The following PTPRD variants were observed in gnomAD, a reference collection of about 807,000 sequenced individuals.
PTPRD encodes the protein receptor-type tyrosine-protein phosphatase delta.
A neutral mutation model predicts 214.5 loss-of-function variants in PTPRD; 34 were observed. The ratio of observed to expected loss-of-function variants is 0.16; its 90% CI spans 0.12 to 0.21. The LOEUF is 0.21. PTPRD is among the 10% of genes least tolerant of loss of function. The pLI, the probability that PTPRD is intolerant of heterozygous loss-of-function variation, is 1.00. For missense variants in PTPRD, 2,545 were observed against 2,398.7 expected (o/e 1.06, Z -1.27); for synonymous variants, 1,128 against 845.7 (o/e 1.33, Z -5.79).
chr9:9,120,868 T>G (rs952654488), intron 10 of PTPRD, among the ~76,000 whole-genome samples: 1 of 152,206 alleles, frequency 6.6e-6, no homozygotes, highest in Non-Finnish European at 1.5e-5. Flanking sequence ...GTATCACTGT[T>G]AGAAACTCTT....
At chr9:9,367,438 A>G (rs897555378) in intron 9 of PTPRD, among the ~76,000 whole-genome samples, 2 of 151,722 alleles carry the variant, frequency 1.3e-5, no homozygotes, top group Non-Finnish European at 2.9e-5. Context: ...GCCTACAATT[A>G]TATTGTATTT....
chr9:9,806,168 G>C (rs796953777), intron 5 of PTPRD, among the ~76,000 whole-genome samples: 20 of 152,156 alleles, frequency 1.3e-4, no homozygotes, highest in African/African-American at 3.4e-4. Flanking sequence ...CATGAGCAAG[G>C]CAAGAGAGCT....
chr9:8,372,148 C>T (rs1327812685), intron 39 of PTPRD, among the ~76,000 whole-genome samples: 1 of 151,856 alleles, frequency 6.6e-6, no homozygotes, highest in African/African-American at 2.4e-5. Context: ...CATGGGATTG[C>T]CATAGTAGAA....
intron 2 of PTPRD, among the ~76,000 whole-genome samples, chr9:10,464,661 T>A (rs1460441007): frequency 6.6e-6 from 1 of 152,176 alleles, no homozygotes; most frequent in Non-Finnish European, 1.5e-5. Flanking sequence ...AGTGACCTAA[T>A]TATGATTTGA....
intron 7 of PTPRD, among the ~76,000 whole-genome samples, chr9:9,730,780 C>T (rs2098175641): frequency 6.6e-6 from 1 of 152,070 alleles, no homozygotes; most frequent in East Asian, 1.9e-4. Flanking sequence ...CCATTAGTCT[C>T]ATCTCTAAAG....
intron 10 of PTPRD, among the ~76,000 whole-genome samples, chr9:9,080,409 C>T (rs780552656): frequency 6.6e-6 from 1 of 152,090 alleles, no homozygotes; most frequent in Non-Finnish European, 1.5e-5. Context: ...TAATAAAAGT[C>T]GCTTGCTACT....
chr9:8,406,199 T>C (rs898067624), intron 35 of PTPRD, among the ~76,000 whole-genome samples: 1 of 152,180 alleles, frequency 6.6e-6, no homozygotes, highest in Non-Finnish European at 1.5e-5. Flanking sequence ...TTCATCTCCC[T>C]TGCAGAAATT....
At chr9:9,974,351 G>GT (rs2095272006) in intron 4 of PTPRD, among the ~76,000 whole-genome samples, 2 of 152,096 alleles carry the variant, frequency 1.3e-5, no homozygotes, top group Non-Finnish European at 2.9e-5. Flanking sequence ...TCTGCACCAA[G>GT]CCTTTCTCCT....
At chr9:9,116,028 G>A (rs542513978) in intron 10 of PTPRD, among the ~76,000 whole-genome samples, 1 of 152,136 alleles carries the variant, frequency 6.6e-6, no homozygotes, top group African/African-American at 2.4e-5. Context: ...GGATACACAT[G>A]GACATGAAGA....
At chr9:8,539,674 G>C (rs1490360066) in intron 14 of PTPRD, among the ~76,000 whole-genome samples, 1 of 151,926 alleles carries the variant, frequency 6.6e-6, no homozygotes, top group Non-Finnish European at 1.5e-5. Context: ...CTGGAAAAGA[G>C]TCACAACCTA....
rs371266633 is a variant in PTPRD at position 8,782,414 on chromosome 9, C to T, written c.-103-48468G>A. Reference sequence around the variant, plus strand: ...TACAATACATTGTTATTAACTGTGTCACCATGTTGTGCAATACATCTCCTG... The same window carrying T: ...TACAATACATTGTTATTAACTGTGTTACCATGTTGTGCAATACATCTCCTG... On this transcript the variant is annotated intron_variant, in intron 11 of 45. Coordinates refer to ENST00000381196, the MANE Select transcript of PTPRD (RefSeq NM_002839.4). Among the ~76,000 whole-genome samples, 10 of 152,186 alleles carry T rather than the reference C, an allele frequency of 6.6e-5. No homozygotes were observed. The East Asian group carries it at 1.7e-3, about 26-fold the overall frequency.
intron 21 of PTPRD, among the ~76,000 whole-genome samples, chr9:8,516,486 A>C (rs1349365579): frequency 6.6e-6 from 1 of 152,218 alleles, no homozygotes; most frequent in Non-Finnish European, 1.5e-5. Context: ...TCCTAGAAGC[A>C]AGGACAAATA....
At chr9:10,554,117 A>C (rs2061948628) in intron 2 of PTPRD, among the ~76,000 whole-genome samples, 1 of 152,178 alleles carries the variant, frequency 6.6e-6, no homozygotes, top group African/African-American at 2.4e-5. Flanking sequence ...CTACTGGATT[A>C]AGAGCTTTTA....
intron 12 of PTPRD, among the ~76,000 whole-genome samples, chr9:8,679,603 T>C (rs951276202): frequency 6.6e-6 from 1 of 152,214 alleles, no homozygotes; most frequent in African/African-American, 2.4e-5. Context: ...TCACCAATTA[T>C]GTTGCAGGAA....
At chr9:8,689,225 A>C (rs2097755697) in intron 12 of PTPRD, among the ~76,000 whole-genome samples, 1 of 152,216 alleles carries the variant, frequency 6.6e-6, no homozygotes, top group Non-Finnish European at 1.5e-5. Flanking sequence ...AATAAAAATA[A>C]AAAATAAACT....
At chr9:9,097,665 C>T (rs2099785541) in intron 10 of PTPRD, among the ~76,000 whole-genome samples, 1 of 152,018 alleles carries the variant, frequency 6.6e-6, no homozygotes, top group East Asian at 1.9e-4. Flanking sequence ...CCGCCTCGGC[C>T]TCCCAAAGTG....
chr9:10,301,544 A>G (rs1298395489), intron 3 of PTPRD, among the ~76,000 whole-genome samples: 1 of 152,210 alleles, frequency 6.6e-6, no homozygotes, highest in Non-Finnish European at 1.5e-5. Context: ...CAAATTGCTA[A>G]CTAGAATAAC....
intron 11 of PTPRD, among the ~76,000 whole-genome samples, chr9:8,823,844 T>G (rs984537382): frequency 6.6e-6 from 1 of 152,096 alleles, no homozygotes; most frequent in African/African-American, 2.4e-5. Context: ...ATTAAAAAAG[T>G]AAAAGAATAA....
At chr9:8,393,959 C>T (rs1025630635) in intron 36 of PTPRD, among the ~76,000 whole-genome samples, 5 of 151,988 alleles carry the variant, frequency 3.3e-5, no homozygotes, top group African/African-American at 4.8e-5. Flanking sequence ...CCTGTAAAGC[C>T]GACAGAGATT....
Sources: gnomAD v4.1 joint callset for allele counts (sites outside exome capture counted in the v4.1 genomes callset) on GRCh38, gnomAD v4.1.1 for gene constraint, MANE v1.5 for transcripts, NCBI Gene and HGNC (gene_info 2026-07-23, HGNC 2026-07-21) for gene names.